RBFOX1: variants seen among roughly 807,000 people sequenced by gnomAD.
RBFOX1 encodes RNA binding protein fox-1 homolog 1.
A neutral mutation model predicts 57.7 loss-of-function variants in RBFOX1; 8 were observed. That is an observed-to-expected ratio of 0.14 (90% confidence interval 0.08 to 0.25). RBFOX1 has a LOEUF of 0.25. Ranked by LOEUF, RBFOX1 falls within the 10% of genes least tolerant of loss-of-function variation. The pLI is 1.00. For synonymous variants in RBFOX1, 326 were observed against 222.4 expected (o/e 1.47, Z -4.15); for missense variants, 611 against 548.5 (o/e 1.11, Z -1.14).
chr16:5,287,721 G>A (rs892323128), intron 1 of RBFOX1, among the ~76,000 whole-genome samples: 13 of 152,200 alleles, frequency 8.5e-5, no homozygotes, highest in African/African-American at 3.1e-4. Context: ...GAGTGAGCGA[G>A]CACAAATGAA....
At chr16:6,811,049 A>G (rs1182350895) in intron 3 of RBFOX1, among the ~76,000 whole-genome samples, 1 of 152,222 alleles carries the variant, frequency 6.6e-6, no homozygotes, top group South Asian at 2.1e-4. Flanking sequence ...TGATGATAAG[A>G]TACCCCGAAA....
intron 2 of RBFOX1, among the ~76,000 whole-genome samples, chr16:6,494,384 G>T (rs2095709312): frequency 6.6e-6 from 1 of 152,142 alleles, no homozygotes; most frequent in Admixed American, 6.5e-5. Flanking sequence ...ACCTGCCCCT[G>T]TTCTTAACCC....
At chr16:5,836,073 T>C (rs1235385525) in intron 3 of RBFOX1, among the ~76,000 whole-genome samples, 6 of 152,142 alleles carry the variant, frequency 3.9e-5, no homozygotes, top group Non-Finnish European at 1.5e-5. Context: ...ATTTAGCAAA[T>C]TGTAGCTTGC....
intron 2 of RBFOX1, among the ~76,000 whole-genome samples, chr16:6,338,360 T>G (rs1395461724): frequency 6.6e-6 from 1 of 152,164 alleles, no homozygotes; most frequent in Non-Finnish European, 1.5e-5. Context: ...TTTGTTAAGG[T>G]CCTCTCCATC....
In RBFOX1 at chr16:6,795,539, G is replaced by A. The variant is rs1192895328; in HGVS notation, c.-16+140889G>A. Among the ~76,000 whole-genome samples the A allele has an allele frequency of 3.3e-5, 5 of 152,052 alleles. 1 individual carries two copies. In the South Asian group the frequency reaches 6.2e-4, roughly 19 times the overall value. Reference sequence around the variant, plus strand: ...TCCCAGCACTTTGGGAGGCCGAGGTGGGTGAATCACGAGGTCACAAGTTCA... The same window carrying A: ...TCCCAGCACTTTGGGAGGCCGAGGTAGGTGAATCACGAGGTCACAAGTTCA... On this transcript the variant is annotated intron_variant, in intron 3 of 15. Coordinates refer to ENST00000550418, the MANE Select transcript of RBFOX1 (RefSeq NM_018723.4).
intron 3 of RBFOX1, among the ~76,000 whole-genome samples, chr16:7,050,471 G>A (rs1485858638): frequency 2.0e-5 from 3 of 151,874 alleles, no homozygotes; most frequent in Admixed American, 1.3e-4. Flanking sequence ...TCACCATATT[G>A]GCCAGGTTTG....
chr16:5,354,602 T>G (rs1567376747), intron 1 of RBFOX1, among the ~76,000 whole-genome samples: 1 of 152,386 alleles, frequency 6.6e-6, no homozygotes, highest in East Asian at 1.9e-4. Flanking sequence ...TTAAGCCGCT[T>G]TTCCAGGCCT....
In RBFOX1 at chr16:6,955,274, G is replaced by T. The variant is rs960929113; in HGVS notation, c.-15-96783G>T. Among the ~76,000 whole-genome samples, 7 of 151,848 alleles carry T rather than the reference G, an allele frequency of 4.6e-5. No homozygotes were observed. The East Asian group carries it at 1.4e-3, about 29-fold the overall frequency. ...AAAAGAAAAAAAGAAATTTAATCTAGAACTCCCTAGCGTACGATTAAGTAA... is the reference window on the plus strand; with the variant it reads ...AAAAGAAAAAAAGAAATTTAATCTATAACTCCCTAGCGTACGATTAAGTAA... On this transcript the variant is annotated intron_variant, in intron 3 of 15. Transcript: ENST00000550418.
At chr16:5,594,886 C>G (rs1330850926) in intron 2 of RBFOX1, among the ~76,000 whole-genome samples, 1 of 149,860 alleles carries the variant, frequency 6.7e-6, no homozygotes, top group African/African-American at 2.5e-5. Flanking sequence ...AATCCCAGCA[C>G]TTTGGGAGGT....
chr16:6,281,018 T>C (rs576135549), intron 1 of RBFOX1, among the ~76,000 whole-genome samples: 20 of 152,068 alleles, frequency 1.3e-4, no homozygotes, highest in African/African-American at 4.8e-4. Context: ...TATATATGTA[T>C]TACATATGTA....
At chr16:6,747,105 A>T (rs2073855379) in intron 3 of RBFOX1, among the ~76,000 whole-genome samples, 1 of 152,062 alleles carries the variant, frequency 6.6e-6, no homozygotes, top group African/African-American at 2.4e-5. Flanking sequence ...CAAATGGGAG[A>T]TCCTTAAATT....
intron 3 of RBFOX1, chr16:6,873,798 T>A (rs2061360135): frequency 6.6e-6 from 1 of 152,206 alleles, no homozygotes; most frequent in Non-Finnish European, 1.5e-5. Context: ...GTGATCTTTA[T>A]TATTGCCATT....
At chr16:7,471,006 T>C (rs556606759) in intron 4 of RBFOX1, among the ~76,000 whole-genome samples, 2 of 152,284 alleles carry the variant, frequency 1.3e-5, no homozygotes, top group East Asian at 3.9e-4. Context: ...ATAGATTTTA[T>C]TGAACTTTTA....
intron 3 of RBFOX1, among the ~76,000 whole-genome samples, chr16:6,973,575 C>A (rs867653717): frequency 7.4e-4 from 112 of 151,970 alleles, no homozygotes; most frequent in African/African-American, 2.5e-3. Context: ...TCTTTCTTCC[C>A]GAGGGGATTG....
At chr16:5,712,339 A>G (rs1406635931) in intron 3 of RBFOX1, among the ~76,000 whole-genome samples, 1 of 152,310 alleles carries the variant, frequency 6.6e-6, no homozygotes, top group East Asian at 1.9e-4. Context: ...GGAGATTAGA[A>G]ATATTATATT....
At chr16:7,198,827 G>A (rs1050670330) in intron 4 of RBFOX1, among the ~76,000 whole-genome samples, 2 of 152,166 alleles carry the variant, frequency 1.3e-5, no homozygotes, top group South Asian at 4.1e-4. Context: ...CTGACACATG[G>A]ACTTTGGGGG....
At position 6,195,487 on chromosome 16, in the gene RBFOX1, G is replaced by A. The variant is rs148492961; in HGVS notation, c.-126-121508G>A. Among the ~76,000 whole-genome samples, 523 of 152,276 alleles carry A rather than the reference G, an allele frequency of 3.4e-3. 1 individual carries two copies. Among genetic ancestry groups the A allele is most frequent in the African/African-American group, 0.012 (500 of 41,546 alleles). On this transcript the variant is annotated intron_variant, in intron 1 of 15. Transcript: ENST00000550418. ...AATTCCAGGACTTTGAGAGGCCAAGGCGGGCCAATCACCTGAGGTCGGGAT... is the reference window on the plus strand; with the variant it reads ...AATTCCAGGACTTTGAGAGGCCAAGACGGGCCAATCACCTGAGGTCGGGAT...
At chr16:7,377,624 C>T (rs2097708406) in intron 4 of RBFOX1, among the ~76,000 whole-genome samples, 1 of 152,130 alleles carries the variant, frequency 6.6e-6, no homozygotes, top group Non-Finnish European at 1.5e-5. Context: ...CTTTATAGCG[C>T]TTGAATGTCT....
chr16:6,948,021 C>T (rs2079910554), intron 3 of RBFOX1, among the ~76,000 whole-genome samples: 1 of 152,156 alleles, frequency 6.6e-6, no homozygotes. Flanking sequence ...TAAAGCAGTC[C>T]AGCTGCCTTC....
Sources: allele counts gnomAD v4.1 joint callset (sites outside exome capture counted in the v4.1 genomes callset), GRCh38; gene constraint gnomAD v4.1.1; transcripts MANE v1.5; gene names NCBI Gene and HGNC (gene_info 2026-07-23, HGNC 2026-07-21).